The following TRIQK variants were observed in gnomAD, a reference collection of about 807,000 sequenced individuals.
TRIQK encodes the protein triple QxxK/R motif-containing protein.
TRIQK carries 10 observed loss-of-function variants against 10.8 expected under a neutral mutation model. The ratio of observed to expected loss-of-function variants is 0.92; its 90% CI spans 0.57 to 1.57. TRIQK has a LOEUF of 1.57. Among genes scored for constraint, TRIQK ranks in the 40% most tolerant of loss-of-function variants. The pLI is 0.00. For synonymous variants in TRIQK, 33 were observed against 33.7 expected, an observed-to-expected ratio of 0.98 and a Z score of 0.07; for missense variants, 107 against 97.7, an observed-to-expected ratio of 1.09 and a Z score of -0.40.
At chr8:93,008,723 A>G (rs1813298625) in intron 1 of TRIQK, among the ~76,000 whole-genome samples, 1 of 152,236 alleles carries the variant, frequency 6.6e-6, no homozygotes, top group African/African-American at 2.4e-5. Context: ...TGTCAAGAGC[A>G]CACATTGGTG....
At chr8:93,005,438 T>C (rs1485797868) in intron 1 of TRIQK, among the ~76,000 whole-genome samples, 1 of 152,120 alleles carries the variant, frequency 6.6e-6, no homozygotes, top group Non-Finnish European at 1.5e-5. Flanking sequence ...TATAATTCAA[T>C]ATAAGAGTTG....
chr8:92,969,520 T>C (rs974559837), upstream of TRIQK, among the ~76,000 whole-genome samples: 1 of 151,718 alleles, frequency 6.6e-6, no homozygotes, highest in Admixed American at 6.6e-5. Context: ...TGCAGTATGC[T>C]CTAAATGTTG....
intron 1 of TRIQK, among the ~76,000 whole-genome samples, chr8:93,004,954 C>G (rs1413559092): frequency 6.6e-6 from 1 of 152,224 alleles, no homozygotes; most frequent in African/African-American, 2.4e-5. Flanking sequence ...TAGGAAGTTC[C>G]AGACTTTCCC....
intron 2 of TRIQK, among the ~76,000 whole-genome samples, chr8:92,944,934 G>A (rs1262523329): frequency 6.6e-6 from 1 of 152,088 alleles, no homozygotes; most frequent in Non-Finnish European, 1.5e-5. Context: ...TTTGCACAAT[G>A]TATATACGTA....
intron 2 of TRIQK, among the ~76,000 whole-genome samples, chr8:92,939,152 T>C (rs1401000920): frequency 6.6e-6 from 1 of 152,206 alleles, no homozygotes; most frequent in Non-Finnish European, 1.5e-5. Flanking sequence ...AAAATCAGTA[T>C]GGTCAGGTTT....
chr8:93,011,281 AAG>A (rs1388212284), intron 1 of TRIQK, among the ~76,000 whole-genome samples: 3 of 151,924 alleles, frequency 2.0e-5, no homozygotes, highest in South Asian at 4.2e-4. Context: ...AAATAGCTAA[AAG>A]AGAGGATTTT....
intron 1 of TRIQK, among the ~76,000 whole-genome samples, chr8:93,007,113 T>C (rs1813282642): frequency 7.0e-6 from 1 of 142,950 alleles, no homozygotes; most frequent in Non-Finnish European, 1.5e-5. Context: ...TGGCATCAGG[T>C]TGGTGCCCCT....
chr8:92,918,595 C>T (rs1327035270), intron 2 of TRIQK, among the ~76,000 whole-genome samples: 3 of 151,802 alleles, frequency 2.0e-5, no homozygotes, highest in Non-Finnish European at 4.4e-5. Context: ...GTTGTTTGAG[C>T]TCCTTATATA....
In TRIQK at chr8:92,886,004, C is replaced by T. The variant is rs1027857476; in HGVS notation, c.*618G>A. On this transcript the variant is annotated 3_prime_UTR_variant, in exon 5 of 5. Transcript: ENST00000521988. ...CAGACAGCCCAAGAGGAAAAGAACT[C>T]TATTTTAGAGACATATGTGACTCTT... 6.6e-6 allele frequency: 1 copy of T among 151,632 alleles called. No homozygotes were observed. The highest frequency in any genetic ancestry group is 1.5e-5 in the Non-Finnish European group (1 of 67,768). 9.4% of individuals were successfully genotyped at this position (151,632 alleles called of 1,614,324 possible).
At chr8:92,996,150 A>G (rs1388280475) in intron 1 of TRIQK, among the ~76,000 whole-genome samples, 6 of 152,016 alleles carry the variant, frequency 3.9e-5, no homozygotes, top group Non-Finnish European at 4.4e-5. Context: ...ATGACTTTTG[A>G]TTGTACTTGG....
At chr8:92,977,787 T>C (rs2130741792) in intron 1 of TRIQK, among the ~76,000 whole-genome samples, 1 of 152,290 alleles carries the variant, frequency 6.6e-6, no homozygotes, top group African/African-American at 2.4e-5. Flanking sequence ...ACAAATATTC[T>C]TGAGCTTTCT....
At chr8:92,992,829 C>A (rs1017319615) in intron 1 of TRIQK, among the ~76,000 whole-genome samples, 2 of 152,168 alleles carry the variant, frequency 1.3e-5, no homozygotes, top group African/African-American at 2.4e-5. Context: ...CAAAGAAGAG[C>A]ACCCCATTGT....
intron 1 of TRIQK, among the ~76,000 whole-genome samples, chr8:93,004,144 A>G (rs1813242408): frequency 6.6e-6 from 1 of 152,204 alleles, no homozygotes; most frequent in Non-Finnish European, 1.5e-5. Context: ...GCCCTAGTAG[A>G]GGTTATTCAT....
At chr8:92,901,520 T>C (rs953527295) in intron 3 of TRIQK, among the ~76,000 whole-genome samples, 3 of 152,114 alleles carry the variant, frequency 2.0e-5, no homozygotes, top group African/African-American at 7.3e-5. Context: ...GTTTTTGTCC[T>C]TCATTCTATT....
chr8:92,986,366 A>G (rs2130746938), intron 1 of TRIQK, among the ~76,000 whole-genome samples: 1 of 152,170 alleles, frequency 6.6e-6, no homozygotes, highest in East Asian at 1.9e-4. Context: ...AACTTCAAAG[A>G]TTTTTCTTCT....
Position 92,883,799 on chromosome 8 carries a change from T to C in TRIQK, c.*2823A>G, listed in dbSNP as rs1263538326. ...TAAAAAGATAGAAAATCTTGAAGTA[T>C]TTTGCTACCTTAAAACAACTACCCA... On this transcript the variant is annotated 3_prime_UTR_variant, in exon 5 of 5. Coordinates refer to ENST00000521988, the MANE Select transcript of TRIQK (RefSeq NM_001171797.2). The C allele has an allele frequency of 6.6e-6, 1 of 151,776 alleles. No individual in the cohort carries two copies. Among genetic ancestry groups the C allele is most frequent in the Non-Finnish European group, 1.5e-5 (1 of 67,838 alleles). 9.4% of individuals were successfully genotyped at this position (151,776 alleles called of 1,614,324 possible). A position where few individuals can be genotyped will look rare whatever the true frequency, so the allele number is the denominator to read the frequency against.
intron 2 of TRIQK, among the ~76,000 whole-genome samples, chr8:92,937,152 CTG>C (rs1369371284): frequency 1.3e-5 from 2 of 151,762 alleles, no homozygotes; most frequent in South Asian, 2.1e-4. Context: ...AAATAAAACT[CTG>C]TATGTCTACA....
In TRIQK at chr8:93,011,179, TAC is replaced by T. The variant is rs553408139; in HGVS notation, c.-181+6428_-181+6429del. On this transcript the variant is annotated intron_variant, in intron 1 of 4. Transcript: ENST00000520686. ...GAATGTGTGTGTGTATACACATACATACACACACACACACACACACACACACA... is the reference window on the plus strand; with the variant it reads ...GAATGTGTGTGTGTATACACATACATACACACACACACACACACACACACA... 2.7e-3 allele frequency among the ~76,000 whole-genome samples: 377 copies of T among 138,684 alleles called. 1 individual carries two copies. The highest frequency in any genetic ancestry group is 6.0e-3 in the African/African-American group (227 of 37,846). 91.0% of individuals were successfully genotyped at this position (138,684 alleles called of 152,430 possible).
At chr8:92,958,812 G>A (rs2130701367) in intron 1 of TRIQK, among the ~76,000 whole-genome samples, 1 of 152,082 alleles carries the variant, frequency 6.6e-6, no homozygotes, top group East Asian at 1.9e-4. Flanking sequence ...GATGTCAAGA[G>A]GGAAAATCAA....
Sources: gnomAD v4.1 joint callset for allele counts (sites outside exome capture counted in the v4.1 genomes callset) on GRCh38, gnomAD v4.1.1 for gene constraint, MANE v1.5 for transcripts, NCBI Gene and HGNC (gene_info 2026-07-23, HGNC 2026-07-21) for gene names.